Variants in PCDHGA3 observed in about 807,000 individuals in gnomAD.
The protein encoded by PCDHGA3 is protocadherin gamma subfamily A, 3.
Under a neutral mutation model 58.5 loss-of-function variants are expected in PCDHGA3, and 40 were observed. The observed-to-expected ratio is 0.68, with a 90% CI of 0.53 to 0.89. PCDHGA3 has a LOEUF of 0.89. PCDHGA3 is among the 40% of genes least tolerant of loss of function. The pLI is 0.00. For missense variants in PCDHGA3, 1,223 were observed against 1,195.9 expected (o/e 1.02, Z -0.33); for synonymous variants, 530 against 525.7 (o/e 1.01, Z -0.11).
At chr5:141,360,012 C>T (rs1454398218) in intron 1 of PCDHGA3, 8 of 1,240,128 alleles carry the variant, frequency 6.5e-6, no homozygotes, top group Non-Finnish European at 8.6e-6. Flanking sequence ...ACCAACCACA[C>T]AGAGAAGGCC....
At chr5:141,370,963 G>T (rs1281017777) in intron 1 of PCDHGA3, 1 of 1,614,018 alleles carries the variant, frequency 6.2e-7, no homozygotes, top group Non-Finnish European at 8.5e-7. Context: ...GATGGCAGTA[G>T]GTACCCAGAG....
At chr5:141,421,675 G>A in intron 1 of PCDHGA3, 2 of 1,613,910 alleles carry the variant, frequency 1.2e-6, no homozygotes, top group Non-Finnish European at 1.7e-6. Context: ...CGCAATTCCT[G>A]GGGCGCGATT....
chr5:141,350,061 T>C (rs1042442430), intron 1 of PCDHGA3: 2 of 411,676 alleles, frequency 4.9e-6, no homozygotes, highest in Non-Finnish European at 4.2e-6. Context: ...CAAAAGGAAG[T>C]GAAGGCTTCT....
In PCDHGA3 at chr5:141,404,831, C is replaced by T. The variant is rs760971907; in HGVS notation, c.2424+58374C>T. 12 of 1,613,738 alleles carry T rather than the reference C, an allele frequency of 7.4e-6. No homozygotes were observed. The highest frequency in any genetic ancestry group is 3.3e-5 in the Admixed American group (2 of 59,978). On this transcript the variant is annotated intron_variant, in intron 1 of 3. Transcript: ENST00000253812. ...GGTGGGGCTGCACACAGGTGAAGTGCGCACAGCTCGGGCCCTGCTAGATAG... is the reference window on the plus strand; with the variant it reads ...GGTGGGGCTGCACACAGGTGAAGTGTGCACAGCTCGGGCCCTGCTAGATAG...
rs572457971 is a variant in PCDHGA3, at chr5:141,426,319, C to T, written c.2425-68488C>T. The T allele has an allele frequency of 1.5e-3, 257 of 175,598 alleles. 1 individual carries two copies. Among genetic ancestry groups the T allele is most frequent in the Non-Finnish European group, 1.2e-3 (99 of 79,820 alleles). 10.9% of individuals were successfully genotyped at this position (175,598 alleles called of 1,614,324 possible). ...CAGGGTGAAGCAGAGAAGCAGGACC[C>T]GGCAGTGGCAAGCACTCTTCCCTTT... is the stretch of plus-strand genomic sequence containing the variant. On this transcript the variant is annotated intron_variant, in intron 1 of 3. Coordinates refer to ENST00000253812, the MANE Select transcript of PCDHGA3 (RefSeq NM_018916.4).
At chr5:141,366,516 G>C (rs1198130864) in intron 1 of PCDHGA3, 1 of 1,614,156 alleles carries the variant, frequency 6.2e-7, no homozygotes, top group African/African-American at 1.3e-5. Flanking sequence ...CAGGCTGAAG[G>C]CAGCAGGTTG....
chr5:141,490,566 C>T lies in PCDHGA3; in HGVS notation c.2425-4241C>T. 3 of 1,614,132 alleles carry T rather than the reference C, an allele frequency of 1.9e-6. No homozygotes were observed. Among genetic ancestry groups the T allele is most frequent in the Non-Finnish European group, 2.5e-6 (3 of 1,180,028 alleles). On this transcript the variant is annotated intron_variant, in intron 1 of 3. Transcript: ENST00000253812. This position sits in a 1 kb window ranked among gnomAD's most constrained non-coding sequence, Gnocchi z 5.4. ...TACACAAACATCTCACCATCAGGCT[C>T]AACATTTCAGATGTCAATGACAATG...
In PCDHGA3 at chr5:141,383,270, T is replaced by C. The variant is rs373497176; in HGVS notation, c.2424+36813T>C. 25 of 1,613,746 alleles carry C rather than the reference T, an allele frequency of 1.5e-5. No homozygotes were observed. Among genetic ancestry groups the C allele is most frequent in the East Asian group, 1.1e-4 (5 of 44,896 alleles). On this transcript the variant is annotated intron_variant, in intron 1 of 3. Transcript: ENST00000253812. ...CTTTACCCTATAGACGTGGAAATAA[T>C]AGATATTAATGACAACGTTCCAAGA...
At chr5:141,389,500 C>A in intron 1 of PCDHGA3, 1 of 1,613,056 alleles carries the variant, frequency 6.2e-7, no homozygotes, top group Non-Finnish European at 8.5e-7. Context: ...GGCTCGCCAG[C>A]GCTCAGCGCG....
chr5:141,476,357 C>T lies in PCDHGA3; in HGVS notation c.2425-18450C>T. On this transcript the variant is annotated intron_variant, in intron 1 of 3. Transcript: ENST00000253812. The surrounding 1 kb of genome is among the most constrained non-coding windows in gnomAD (Gnocchi z 7.6). ...TAGCCGAAGATTCTTTGAGGTGAAC[C>T]GGGAGACCGGAGAGATGTTTGTGAA... The T allele has an allele frequency of 6.2e-7, 1 of 1,614,052 alleles. No individual in the cohort carries two copies. The highest frequency in any genetic ancestry group is 2.2e-5 in the East Asian group (1 of 44,854).
intron 3 of PCDHGA3, 90 bp from the exon 4 acceptor site, chr5:141,510,857 A>G (rs1184962556): frequency 6.2e-7 from 1 of 1,605,538 alleles, no homozygotes; most frequent in Non-Finnish European, 8.5e-7. Flanking sequence ...AGGGTGCTGT[A>G]TAGGCATTCA....
chr5:141,419,765 G>A, intron 1 of PCDHGA3: 1 of 1,614,016 alleles, frequency 6.2e-7, no homozygotes, highest in Non-Finnish European at 8.5e-7. Context: ...GGGTGACAAG[G>A]ACTCGGTCCG....
At chr5:141,424,901 C>G (rs2096846997) in intron 1 of PCDHGA3, among the ~76,000 whole-genome samples, 1 of 152,134 alleles carries the variant, frequency 6.6e-6, no homozygotes, top group African/African-American at 2.4e-5. Context: ...TTTTTGATCA[C>G]AGGAATCATT....
intron 1 of PCDHGA3, chr5:141,359,919 G>C (rs1761361638): frequency 2.3e-6 from 1 of 442,004 alleles, no homozygotes; most frequent in South Asian, 8.5e-5. Flanking sequence ...GCAGTTTCCT[G>C]AGAAAACCTC....
intron 1 of PCDHGA3, chr5:141,377,467 A>C (rs1170946460): frequency 6.6e-6 from 1 of 152,194 alleles, no homozygotes; most frequent in South Asian, 2.1e-4. Context: ...TGTGTGGCGT[A>C]CACCTGTAGT....
intron 1 of PCDHGA3, chr5:141,468,696 C>G (rs1483766202): frequency 6.6e-6 from 1 of 151,386 alleles, no homozygotes; most frequent in East Asian, 2.0e-4. Context: ...GAAACCCCGT[C>G]TCTACTAAAA....
chr5:141,423,106 G>T lies in PCDHGA3; in HGVS notation c.2425-71701G>T, dbSNP rs562864937. On this transcript the variant is annotated intron_variant, in intron 1 of 3. Coordinates refer to ENST00000253812, the MANE Select transcript of PCDHGA3 (RefSeq NM_018916.4). ...CGCGGTGGGGGAGCACACGGGCGAGGTGCGTACAGCGCGGGCACTGCTGGA... is the reference window on the plus strand; with the variant it reads ...CGCGGTGGGGGAGCACACGGGCGAGTTGCGTACAGCGCGGGCACTGCTGGA... The T allele has an allele frequency of 1.2e-5, 19 of 1,613,894 alleles. No individual in the cohort carries two copies. The African/African-American group carries it at 2.1e-4, about 18-fold the overall frequency.
At chr5:141,457,537 T>A (rs967428207) in intron 1 of PCDHGA3, among the ~76,000 whole-genome samples, 2 of 152,228 alleles carry the variant, frequency 1.3e-5, no homozygotes, top group Admixed American at 6.5e-5. Flanking sequence ...TAGGGTTTAA[T>A]GACAAATGTA....
chr5:141,419,744 G>C (rs760207269), intron 1 of PCDHGA3: 1 of 1,613,896 alleles, frequency 6.2e-7, no homozygotes, highest in Non-Finnish European at 8.5e-7. Context: ...GGTGCGCATG[G>C]TGCGTGCTTT....
Sources: allele counts gnomAD v4.1 joint callset (sites outside exome capture counted in the v4.1 genomes callset), GRCh38; gene constraint gnomAD v4.1.1; non-coding constraint Gnocchi (gnomAD v3.1); transcripts MANE v1.5; gene names NCBI Gene and HGNC (gene_info 2026-07-23, HGNC 2026-07-21).